Variants in NDUFS4 observed in about 807,000 individuals in gnomAD.
NDUFS4 encodes the protein NADH dehydrogenase [ubiquinone] iron-sulfur protein 4, mitochondrial.
A neutral mutation model predicts 24.3 loss-of-function variants in NDUFS4; 28 were observed. The ratio of observed to expected loss-of-function variants is 1.15; its 90% CI spans 0.85 to 1.58. The LOEUF (loss-of-function observed/expected upper bound fraction) is 1.58. Ranked by LOEUF, NDUFS4 falls within the 40% of genes most tolerant of loss-of-function variation. The pLI is 0.00. For missense variants in NDUFS4, 223 were observed against 207.9 expected (o/e 1.07, Z -0.45); for synonymous variants, 93 against 69.7 (o/e 1.34, Z -1.67).
intron 2 of NDUFS4, among the ~76,000 whole-genome samples, chr5:53,635,519 CAAAAT>C (rs1193851134): frequency 2.6e-5 from 4 of 151,738 alleles, no homozygotes; most frequent in Non-Finnish European, 5.9e-5. Flanking sequence ...GATCCTTTCT[CAAAAT>C]AAATAAATAA....
intron 2 of NDUFS4, among the ~76,000 whole-genome samples, chr5:53,617,319 GC>G (rs1750870939): frequency 6.6e-6 from 1 of 151,918 alleles, no homozygotes; most frequent in African/African-American, 2.4e-5. Flanking sequence ...AGTTTGTATG[GC>G]TTTTCCCCTC....
intron 2 of NDUFS4, among the ~76,000 whole-genome samples, chr5:53,613,559 A>T (rs1046001244): frequency 6.6e-6 from 1 of 151,532 alleles, no homozygotes; most frequent in Admixed American, 6.6e-5. Context: ...ATGACTAAAT[A>T]TAAATGTTTG....
At chr5:53,572,388 G>A (rs1477998992) in intron 1 of NDUFS4, among the ~76,000 whole-genome samples, 1 of 152,132 alleles carries the variant, frequency 6.6e-6, no homozygotes, top group Non-Finnish European at 1.5e-5. Flanking sequence ...TACTTCGGCC[G>A]TTTTTCAGTA....
At chr5:53,667,061 T>C (rs896978959) in intron 4 of NDUFS4, among the ~76,000 whole-genome samples, 1 of 152,248 alleles carries the variant, frequency 6.6e-6, no homozygotes, top group Non-Finnish European at 1.5e-5. Flanking sequence ...ACTTATGATC[T>C]GCCTTATTTA....
intron 2 of NDUFS4, among the ~76,000 whole-genome samples, chr5:53,614,115 G>T (rs1285234293): frequency 6.6e-6 from 1 of 151,700 alleles, no homozygotes; most frequent in African/African-American, 2.4e-5. Flanking sequence ...CATTTAAAAT[G>T]AATTTTTTCT....
intron 4 of NDUFS4, among the ~76,000 whole-genome samples, chr5:53,679,112 TCTTA>T (rs1171387672): frequency 1.3e-5 from 2 of 152,188 alleles, no homozygotes; most frequent in Admixed American, 6.5e-5. Context: ...GTATGTGGAT[TCTTA>T]CTTTAGTTTT....
chr5:53,578,241 T>C (rs1477194073), intron 1 of NDUFS4, among the ~76,000 whole-genome samples: 1 of 152,226 alleles, frequency 6.6e-6, no homozygotes, highest in South Asian at 2.1e-4. Flanking sequence ...TTTATGTCTG[T>C]CTTAGTTACT....
intron 2 of NDUFS4, among the ~76,000 whole-genome samples, chr5:53,640,264 GTT>G (rs1751674279): frequency 6.6e-6 from 1 of 151,918 alleles, no homozygotes; most frequent in Non-Finnish European, 1.5e-5. Flanking sequence ...AAGATTCAAA[GTT>G]ACTTTATGGA....
chr5:53,616,328 C>A (rs542279996), intron 2 of NDUFS4, among the ~76,000 whole-genome samples: 1 of 151,756 alleles, frequency 6.6e-6, no homozygotes, highest in South Asian at 2.1e-4. Context: ...CAGCTTTATT[C>A]ATAAATAATT....
At chr5:53,648,378 A>G (rs1388537182) in intron 3 of NDUFS4, among the ~76,000 whole-genome samples, 1 of 152,188 alleles carries the variant, frequency 6.6e-6, no homozygotes, top group Non-Finnish European at 1.5e-5. Flanking sequence ...CTGGAAAACA[A>G]CAGATGGAGG....
intron 1 of NDUFS4, among the ~76,000 whole-genome samples, chr5:53,573,276 A>G (rs1749276289): frequency 6.6e-6 from 1 of 152,048 alleles, no homozygotes; most frequent in Admixed American, 6.6e-5. Flanking sequence ...CACCTGGCCC[A>G]TCCTTCTTTT....
At chr5:53,641,549 C>T (rs1751705862) in intron 2 of NDUFS4, among the ~76,000 whole-genome samples, 2 of 152,088 alleles carry the variant, frequency 1.3e-5, no homozygotes, top group Admixed American at 1.3e-4. Flanking sequence ...GTTACTTTAA[C>T]AAACAAACAA....
intron 1 of NDUFS4, among the ~76,000 whole-genome samples, chr5:53,582,256 TAAAAA>T (rs1749594180): frequency 6.6e-6 from 1 of 150,562 alleles, no homozygotes. Flanking sequence ...TAAATTAAAA[TAAAAA>T]TAAATAGCTA....
chr5:53,589,989 G>C (rs1048209204), intron 1 of NDUFS4, among the ~76,000 whole-genome samples: 2 of 152,144 alleles, frequency 1.3e-5, no homozygotes, highest in South Asian at 2.1e-4. Flanking sequence ...AAACTCCCTT[G>C]TTAGTTGTGT....
In NDUFS4 at chr5:53,648,877, A is replaced by G. The variant is rs1202543355; in HGVS notation, c.350+2472A>G. Among the ~76,000 whole-genome samples the G allele has an allele frequency of 3.3e-5, 5 of 152,276 alleles. No individual in the cohort carries two copies. The East Asian group carries it at 5.8e-4, about 18-fold the overall frequency. Reference sequence around the variant, plus strand: ...TTACAAAAACACAATATCCCCACCAATGTGAGATGTTGGATCACATTTTTG... The same window carrying G: ...TTACAAAAACACAATATCCCCACCAGTGTGAGATGTTGGATCACATTTTTG... On this transcript the variant is annotated intron_variant, in intron 3 of 4. Coordinates refer to ENST00000296684, the MANE Select transcript of NDUFS4 (RefSeq NM_002495.4).
Position 53,603,504 on chromosome 5 carries a change from C to A in NDUFS4, c.151C>A (p.Gln51Lys), listed in dbSNP as rs754465699. Residue 51 changes from glutamine to lysine, a missense_variant, in exon 2 of 5, where the codon CAA becomes AAA. Transcript: ENST00000296684. The stretch of plus-strand genomic sequence containing the variant: ...GGCACAGGACCAGACTCAAGACACA[C>A]AACTCATAACAGTTGATGAAAAATT... The part of the protein sequence containing the change: ...RLAQDQTQDT[Q>K]LITVDEKLDI... 3.1e-6 allele frequency: 5 copies of A among 1,613,866 alleles called. No individual in the cohort carries two copies. The highest frequency in any genetic ancestry group is 1.6e-4 in the Middle Eastern group (1 of 6,062).
At chr5:53,637,674 A>G (rs1243553389) in intron 2 of NDUFS4, among the ~76,000 whole-genome samples, 1 of 152,136 alleles carries the variant, frequency 6.6e-6, no homozygotes, top group East Asian at 1.9e-4. Context: ...AAGACCCACA[A>G]TGTTTCAAAC....
At chr5:53,605,370 A>C (rs1750466458) in intron 2 of NDUFS4, among the ~76,000 whole-genome samples, 1 of 152,100 alleles carries the variant, frequency 6.6e-6, no homozygotes, top group South Asian at 2.1e-4. Context: ...CTTTTCTATA[A>C]AGTTTTCAAA....
chr5:53,659,436 C>T (rs1752264414), intron 4 of NDUFS4, among the ~76,000 whole-genome samples: 1 of 152,138 alleles, frequency 6.6e-6, no homozygotes, highest in South Asian at 2.1e-4. Context: ...GTACCTACCT[C>T]ATGAAGTGGG....
Sources: gnomAD v4.1 joint callset for allele counts (sites outside exome capture counted in the v4.1 genomes callset) on GRCh38, gnomAD v4.1.1 for gene constraint, MANE v1.5 for transcripts, NCBI Gene and HGNC (gene_info 2026-07-23, HGNC 2026-07-21) for gene names.